The following BAZ2A variants were observed in gnomAD, a reference collection of about 807,000 sequenced individuals.
BAZ2A encodes the protein bromodomain adjacent to zinc finger domain protein 2A.
A neutral mutation model predicts 199.9 loss-of-function variants in BAZ2A; 34 were observed. That is an observed-to-expected ratio of 0.17 (90% CI 0.13 to 0.23). The LOEUF (loss-of-function observed/expected upper bound fraction) is 0.23. Among genes scored for constraint, BAZ2A ranks in the 10% least tolerant of loss-of-function variants. The pLI, the probability that BAZ2A is intolerant of heterozygous loss-of-function variation, is 1.00. For missense variants in BAZ2A, 2,002 were observed against 2,391.1 expected (o/e 0.84, Z 3.39); for synonymous variants, 857 against 883.9 (o/e 0.97, Z 0.54).
chr12:56,601,072 G>T lies in BAZ2A; in HGVS notation c.4321C>A (p.Arg1441=). ...ATGGCATCCAACATCTCAGGATCTCGTATCCACCACCAGCCTGAGCACATC... is the reference window on the plus strand; with the variant it reads ...ATGGCATCCAACATCTCAGGATCTCTTATCCACCACCAGCCTGAGCACATC... ...PEMCSGWWWI[R]DPEMLDAMLK... is the part of the protein sequence containing the mutation. Residue 1441 remains arginine (R), a synonymous_variant, in exon 22 of 29, where the codon CGA becomes AGA. Coordinates refer to ENST00000549884, the MANE Select transcript of BAZ2A (RefSeq NM_001300905.2). The T allele has an allele frequency of 6.2e-7, 1 of 1,612,304 alleles. No individual in the cohort carries two copies.
At chr12:56,625,097 C>T (rs1951038350) in intron 1 of BAZ2A, among the ~76,000 whole-genome samples, 2 of 151,878 alleles carry the variant, frequency 1.3e-5, no homozygotes, top group Admixed American at 1.3e-4. Context: ...AAGCCACAGT[C>T]CAGAGGTTAT....
intron 4 of BAZ2A, among the ~76,000 whole-genome samples, chr12:56,613,629 T>G (rs1216375125): frequency 6.6e-6 from 1 of 152,204 alleles, no homozygotes; most frequent in Admixed American, 6.5e-5. Context: ...AGGTAACTGC[T>G]CACTGACAAA....
intron 1 of BAZ2A, chr12:56,621,017 C>A: frequency 1.0e-6 from 1 of 963,128 alleles, no homozygotes; most frequent in Non-Finnish European, 1.2e-6. Flanking sequence ...TACCACAGAG[C>A]AAGGAGGACA....
rs760721635 is a variant in BAZ2A at position 56,601,713 on chromosome 12, G to A, written c.3904C>T (p.Pro1302Ser). 6.2e-6 allele frequency: 10 copies of A among 1,613,982 alleles called. No individual in the cohort carries two copies. The South Asian group carries it at 7.7e-5, about 12-fold the overall frequency. Residue 1302 changes from proline to serine, a missense_variant, in exon 20 of 29, where the codon CCC becomes TCC. By Grantham distance (74) the Pro-to-Ser change is moderately conservative (BLOSUM62 -1). Coordinates refer to ENST00000549884, the MANE Select transcript of BAZ2A (RefSeq NM_001300905.2). ...PGKLDPAPSQ[P>S]PEEPEPDEAE... ...TCATCAGGCTCTGGCTCCTCCGGGG[G>A]TTGTGATGGAGCTGGGTCTAGTTTT...
intron 10 of BAZ2A, among the ~76,000 whole-genome samples, chr12:56,607,696 GT>G (rs1337073624): frequency 2.0e-5 from 3 of 151,836 alleles, no homozygotes; most frequent in Non-Finnish European, 4.4e-5. Flanking sequence ...TTATTATTTT[GT>G]TTCTGGTATA....
chr12:56,600,864 A>G (rs1243309108), intron 22 of BAZ2A, 32 bp from the exon 23 acceptor site: 2 of 1,612,088 alleles, frequency 1.2e-6, no homozygotes, highest in East Asian at 2.2e-5. Flanking sequence ...GGAGAGGCCC[A>G]TCAGGCTGTT....
At chr12:56,604,896 G>C (rs1461199798) in intron 14 of BAZ2A, 97 bp from the exon 15 acceptor site, 3 of 1,441,178 alleles carry the variant, frequency 2.1e-6, no homozygotes, top group East Asian at 2.4e-5. Flanking sequence ...GAGAACTATG[G>C]GGGTTAAGAC....
intron 1 of BAZ2A, among the ~76,000 whole-genome samples, chr12:56,618,120 T>C (rs1565829277): frequency 6.6e-6 from 1 of 152,172 alleles, no homozygotes; most frequent in Non-Finnish European, 1.5e-5. Context: ...AGGAAGGTGA[T>C]CATAATGGCA....
intron 5 of BAZ2A, 140 bp downstream of exon 5, chr12:56,612,875 G>A: frequency 1.1e-6 from 1 of 942,040 alleles, no homozygotes; most frequent in Non-Finnish European, 1.6e-6. Flanking sequence ...ACCCGCCTCG[G>A]CCTCCCGAAG....
At chr12:56,599,558 T>G (rs1006089766) in intron 26 of BAZ2A, 144 bp downstream of exon 26, 2 of 1,311,976 alleles carry the variant, frequency 1.5e-6, no homozygotes, top group South Asian at 3.1e-5. Context: ...ATTAAAGCTA[T>G]AGAATTTAAG....
chr12:56,600,997 G>A lies in BAZ2A; in HGVS notation c.4396C>T (p.His1466Tyr). 1.2e-6 allele frequency: 2 copies of A among 1,612,424 alleles called. No individual in the cohort carries two copies. Among genetic ancestry groups the A allele is most frequent in the Non-Finnish European group, 1.7e-6 (2 of 1,179,122 alleles). ...AAGAAGTCCCTGTGCTTGTTAAGGT[G>A]TTTGTGAAGTGCCTTCTCCCGGATA... ...RGIREKALHK[H>Y]LNKHRDFLQE... The change falls in exon 22 of 29, where the codon CAC becomes TAC. Residue 1466 changes from histidine (H) to tyrosine (Y), a missense_variant. Around this residue, in one of 6 missense-constraint regions of BAZ2A, gnomAD observed 1,081 missense variants for 1,274.7 expected, o/e 0.85. Coordinates refer to ENST00000549884, the MANE Select transcript of BAZ2A (RefSeq NM_001300905.2).
chr12:56,630,725 T>TCGCG (rs1592632851), upstream of BAZ2A: 2 of 945,596 alleles, frequency 2.1e-6, no homozygotes, highest in Non-Finnish European at 1.3e-6. Context: ...GTCACTCAGG[T>TCGCG]CGCGATTCAG....
chr12:56,612,609 G>A (rs1240570192), intron 5 of BAZ2A, among the ~76,000 whole-genome samples: 4 of 152,110 alleles, frequency 2.6e-5, no homozygotes, highest in African/African-American at 9.7e-5. Flanking sequence ...TCAGCTCCCA[G>A]CAAGGTGCTC....
Position 56,605,106 on chromosome 12 carries a change from T to C in BAZ2A, c.2715A>G (p.Ala905=), listed in dbSNP as rs1005708244. The C allele has an allele frequency of 2.5e-6, 4 of 1,612,278 alleles. No individual in the cohort carries two copies. Among genetic ancestry groups the C allele is most frequent in the Non-Finnish European group, 3.4e-6 (4 of 1,178,862 alleles). The part of the protein sequence containing the change: ...QDLLVRLLKA[A]LHDPGFPSYC... ...AGGAGGGAAAGCCAGGATCATGGAG[T>C]GCAGCCTTCAGCAGCCTGACCAGCA... The change falls in exon 14 of 29, where the codon GCA becomes GCG. Residue 905 remains alanine (A), a synonymous_variant. Transcript: ENST00000549884.
rs899809982 is a variant in BAZ2A at position 56,603,597 on chromosome 12, TCTC to T, written c.3139_3141del (p.Glu1047del). The T allele has an allele frequency of 1.5e-5, 24 of 1,614,030 alleles. No individual in the cohort carries two copies. Among genetic ancestry groups the T allele is most frequent in the Non-Finnish European group, 2.0e-5 (24 of 1,179,896 alleles). ...TCTTCCTCTTCTTCCATGCCACTGG[TCTC>T]CTCCATGATCCGAGAACTGCGCCTC... On this transcript the variant is annotated inframe_deletion, in exon 17 of 29. Transcript: ENST00000549884.
chr12:56,633,881 C>T (rs1463560301), upstream of BAZ2A, among the ~76,000 whole-genome samples: 2 of 152,156 alleles, frequency 1.3e-5, no homozygotes, highest in Admixed American at 6.5e-5. Context: ...TACAGGCACA[C>T]GCCACCACGA....
At chr12:56,614,277 G>T (rs990003196) in intron 3 of BAZ2A, 139 bp from the exon 4 acceptor site, 6 of 845,768 alleles carry the variant, frequency 7.1e-6, no homozygotes, top group Admixed American at 2.5e-5. Flanking sequence ...GCTGGGAACC[G>T]ATCACATCAA....
chr12:56,605,029 C>T, intron 14 of BAZ2A, 44 bp downstream of exon 14: 1 of 1,533,360 alleles, frequency 6.5e-7, no homozygotes, highest in Non-Finnish European at 8.8e-7. Context: ...GTAGTTACAT[C>T]TCCTTTACTT....
Position 56,602,855 on chromosome 12 carries a change from A to G in BAZ2A, c.3282T>C (p.Arg1094=), listed in dbSNP as rs1950221331. ...LERQIEKLSK[R]QLFFRKKLLH... is the part of the protein sequence containing the mutation. ...GCAGCTTTTTGCGAAAGAAAAGCTG[A>G]CGCTGGGTAGACAATGAAAATGAAG... The change falls in exon 19 of 29, where the codon CGT becomes CGC. Residue 1094 remains arginine, a splice_region_variant and synonymous_variant. Transcript: ENST00000549884. The G allele has an allele frequency of 6.2e-7, 1 of 1,609,620 alleles. No homozygotes were observed. The highest frequency in any genetic ancestry group is 1.3e-5 in the African/African-American group (1 of 74,864).
Sources: allele counts gnomAD v4.1 joint callset (sites outside exome capture counted in the v4.1 genomes callset), GRCh38; gene constraint gnomAD v4.1.1; regional missense constraint gnomAD v4.1.1; transcripts MANE v1.5; gene names NCBI Gene and HGNC (gene_info 2026-07-23, HGNC 2026-07-21).